Variants in PLPPR5 observed in about 807,000 individuals in gnomAD.
PLPPR5 encodes the protein phospholipid phosphatase related 5.
Under a neutral mutation model 33.9 loss-of-function variants are expected in PLPPR5, and 16 were observed. The observed-to-expected ratio is 0.47, with a 90% CI of 0.32 to 0.72. The LOEUF (loss-of-function observed/expected upper bound fraction) is 0.72. PLPPR5 is among the 30% of genes least tolerant of loss of function. PLPPR5 has a pLI of 0.03. For missense variants in PLPPR5, 301 were observed against 406.7 expected, an observed-to-expected ratio of 0.74 and a Z score of 2.23; for synonymous variants, 163 against 150.3, an observed-to-expected ratio of 1.08 and a Z score of -0.62.
chr1:99,001,671 G>GAGATATAT (rs1553173331), intron 1 of PLPPR5, among the ~76,000 whole-genome samples: 18 of 102,192 alleles, frequency 1.8e-4, no homozygotes, highest in African/African-American at 6.6e-4. Flanking sequence ...GAAAGTTAAA[G>GAGATATAT]ATATATATAT....
intron 5 of PLPPR5, among the ~76,000 whole-genome samples, chr1:98,903,587 A>AAAC (rs757582950): frequency 2.4e-4 from 36 of 152,252 alleles, no homozygotes; most frequent in Non-Finnish European, 4.4e-4. Flanking sequence ...ATATCTGTAT[A>AAAC]AACTTTTAAA....
intron 1 of PLPPR5, among the ~76,000 whole-genome samples, chr1:98,964,693 A>C (rs2101234894): frequency 6.6e-6 from 1 of 152,316 alleles, no homozygotes; most frequent in Middle Eastern, 3.4e-3. Context: ...GAAGCCCTCA[A>C]ACAACCTCCA....
At chr1:98,966,714 C>T (rs781652627) in intron 1 of PLPPR5, among the ~76,000 whole-genome samples, 5 of 152,116 alleles carry the variant, frequency 3.3e-5, no homozygotes, top group Non-Finnish European at 4.4e-5. Context: ...AGTTAAGATT[C>T]GCAGTCTTTA....
intron 1 of PLPPR5, among the ~76,000 whole-genome samples, chr1:99,000,212 T>C (rs1652777597): frequency 6.6e-6 from 1 of 152,220 alleles, no homozygotes; most frequent in South Asian, 2.1e-4. Context: ...CTATATCATC[T>C]CTGTAAATAA....
At position 98,896,020 on chromosome 1, in the gene PLPPR5, GT is replaced by G. The variant is rs879367901; in HGVS notation, c.934-2917del. On this transcript the variant is annotated intron_variant, in intron 5 of 5. Coordinates refer to ENST00000263177, the MANE Select transcript of PLPPR5 (RefSeq NM_001037317.2). ...AAGAGATGGATTATTTATCTCAGTAGTTTTTTTTTTTTAAGTTTAATTCACT... is the reference window on the plus strand; with the variant it reads ...AAGAGATGGATTATTTATCTCAGTAGTTTTTTTTTTTAAGTTTAATTCACT... Among the ~76,000 whole-genome samples, 185 of 146,036 alleles carry G rather than the reference GT, an allele frequency of 1.3e-3. 2 individuals are homozygous for G. Among genetic ancestry groups the G allele is most frequent in the African/African-American group, 2.7e-3 (107 of 40,098 alleles).
chr1:98,925,202 G>C (rs1649709408), intron 3 of PLPPR5, among the ~76,000 whole-genome samples: 1 of 152,122 alleles, frequency 6.6e-6, no homozygotes, highest in East Asian at 1.9e-4. Context: ...ATGCTCTCTT[G>C]GTTTTTAATT....
chr1:98,984,410 A>G (rs1652180734), intron 1 of PLPPR5, among the ~76,000 whole-genome samples: 1 of 152,030 alleles, frequency 6.6e-6, no homozygotes, highest in African/African-American at 2.4e-5. Flanking sequence ...ATGTATAAGT[A>G]TTTGTCCCTG....
Position 99,004,761 on chromosome 1 carries a change from C to T in PLPPR5, c.-90G>A. 1.1e-6 allele frequency: 1 copy of T among 873,190 alleles called. No individual in the cohort carries two copies. Among genetic ancestry groups the T allele is most frequent in the East Asian group, 4.3e-5 (1 of 23,408 alleles). The allele number at this position is 873,190 out of a possible 1,614,324, so 54.1% of individuals were successfully genotyped here. A position where few individuals can be genotyped will look rare whatever the true frequency, so the allele number is the denominator to read the frequency against. On this transcript the variant is annotated 5_prime_UTR_variant, in exon 1 of 6. Transcript: ENST00000263177. ...GGTCCGCCGAGGCAGCCACCGGGGG[C>T]GCGGCGGCGGAGGCGGCGGGAGGAC...
In PLPPR5 at chr1:98,952,227, C is replaced by T. The variant is rs905877701; in HGVS notation, c.621+843G>A. On this transcript the variant is annotated intron_variant, in intron 3 of 5. Coordinates refer to ENST00000263177, the MANE Select transcript of PLPPR5 (RefSeq NM_001037317.2). ...GCAGTGAGCTGAGATTGCGCCACTG[C>T]ACTCCAGCCTGGGTGACAGAGCGAG... 5.5e-5 allele frequency among the ~76,000 whole-genome samples: 8 copies of T among 145,418 alleles called. 1 individual carries two copies. In the Admixed American group the frequency reaches 5.6e-4, roughly 10 times the overall value.
At chr1:98,902,247 G>A (rs1404202837) in intron 5 of PLPPR5, among the ~76,000 whole-genome samples, 1 of 151,942 alleles carries the variant, frequency 6.6e-6, no homozygotes, top group African/African-American at 2.4e-5. Context: ...TATATTTATG[G>A]ATCTGAAATC....
At chr1:98,994,232 G>GA (rs1652553992) in intron 1 of PLPPR5, among the ~76,000 whole-genome samples, 1 of 151,472 alleles carries the variant, frequency 6.6e-6, no homozygotes, top group Admixed American at 6.6e-5. Flanking sequence ...GGGAGAGAAG[G>GA]AAAAAAATGG....
chr1:98,926,660 C>G (rs911687172), intron 3 of PLPPR5, among the ~76,000 whole-genome samples: 4 of 151,846 alleles, frequency 2.6e-5, no homozygotes, highest in Non-Finnish European at 5.9e-5. Context: ...AATATTTTAC[C>G]CTGTCAACAC....
intron 2 of PLPPR5, among the ~76,000 whole-genome samples, chr1:98,954,961 C>A (rs549641819): frequency 2.3e-3 from 170 of 74,318 alleles, no homozygotes; most frequent in South Asian, 0.015. Context: ...TTAAAGTTCC[C>A]AAATGTGTTT....
chr1:98,916,846 G>A lies in PLPPR5; in HGVS notation c.799-1926C>T, dbSNP rs79775189. On this transcript the variant is annotated intron_variant, in intron 4 of 5. Transcript: ENST00000263177. ...ATAAGTCTTGTCTGCTAACATTTAC[G>A]ATGTGGAACAGAGGTCTTGTTTGTA... 1.2e-3 allele frequency among the ~76,000 whole-genome samples: 187 copies of A among 152,210 alleles called. 5 individuals carry two copies. The East Asian group carries it at 0.031, about 25-fold the overall frequency.
At chr1:98,972,676 C>T (rs1224524751) in intron 1 of PLPPR5, among the ~76,000 whole-genome samples, 1 of 152,024 alleles carries the variant, frequency 6.6e-6, no homozygotes, top group Non-Finnish European at 1.5e-5. Context: ...ATCTTTCCTT[C>T]TCAAACAGCC....
chr1:98,919,148 G>A (rs576164808), intron 4 of PLPPR5, among the ~76,000 whole-genome samples: 3 of 152,284 alleles, frequency 2.0e-5, no homozygotes, highest in Non-Finnish European at 4.4e-5. Flanking sequence ...TTTAAACATG[G>A]TTCAGAGAAG....
intron 1 of PLPPR5, among the ~76,000 whole-genome samples, chr1:98,975,844 T>C (rs935466434): frequency 6.6e-6 from 1 of 151,966 alleles, no homozygotes; most frequent in Non-Finnish European, 1.5e-5. Flanking sequence ...GAACAACATA[T>C]GTTAATATTT....
chr1:98,919,990 A>G (rs1464260652), intron 4 of PLPPR5, among the ~76,000 whole-genome samples: 1 of 152,144 alleles, frequency 6.6e-6, no homozygotes, highest in Non-Finnish European at 1.5e-5. Flanking sequence ...GCATAAATGC[A>G]TTTTTAGTTA....
At chr1:98,964,561 C>G (rs543523114) in intron 1 of PLPPR5, among the ~76,000 whole-genome samples, 1 of 152,308 alleles carries the variant, frequency 6.6e-6, no homozygotes, top group African/African-American at 2.4e-5. Flanking sequence ...GCTGTCAACC[C>G]TTACCTCGTT....
Sources: gnomAD v4.1 joint callset for allele counts (sites outside exome capture counted in the v4.1 genomes callset) on GRCh38, gnomAD v4.1.1 for gene constraint, MANE v1.5 for transcripts, NCBI Gene and HGNC (gene_info 2026-07-23, HGNC 2026-07-21) for gene names.